The following BANK1 variants were observed in gnomAD, a reference collection of about 807,000 sequenced individuals.
BANK1 encodes the protein B cell scaffold protein with ankyrin repeats 1.
A neutral mutation model predicts 94.5 loss-of-function variants in BANK1; 95 were observed. The observed-to-expected ratio is 1.00, with a 90% confidence interval of 0.85 to 1.19. The LOEUF (loss-of-function observed/expected upper bound fraction) is 1.19, where lower values mean the gene tolerates loss of function less well. Among genes scored for constraint, BANK1 ranks in the 50% most tolerant of loss-of-function variants. BANK1 has a pLI of 0.00. For synonymous variants in BANK1, 334 were observed against 308.4 expected, an observed-to-expected ratio of 1.08 and a Z score of -0.87; for missense variants, 987 against 932.2, an observed-to-expected ratio of 1.06 and a Z score of -0.77.
intron 1 of BANK1, among the ~76,000 whole-genome samples, chr4:101,801,372 A>G (rs1725350714): frequency 6.6e-6 from 1 of 152,192 alleles, no homozygotes; most frequent in African/African-American, 2.4e-5. Context: ...TTAAAATGAC[A>G]TATGTGCCGT....
intron 10 of BANK1, among the ~76,000 whole-genome samples, chr4:102,033,462 T>G (rs1488488237): frequency 6.6e-6 from 1 of 152,098 alleles, no homozygotes; most frequent in Non-Finnish European, 1.5e-5. Flanking sequence ...TGTACTAAGT[T>G]TATTTATTAG....
intron 7 of BANK1, among the ~76,000 whole-genome samples, chr4:101,918,986 A>G (rs1722916978): frequency 6.6e-6 from 1 of 151,912 alleles, no homozygotes; most frequent in African/African-American, 2.4e-5. Context: ...TGTCCTTCAA[A>G]TCAGAAATAA....
intron 2 of BANK1, among the ~76,000 whole-genome samples, chr4:101,852,470 C>CCATA (rs1553927036): frequency 4.8e-5 from 5 of 103,792 alleles, no homozygotes; most frequent in African/African-American, 1.3e-4. Flanking sequence ...TATTTTTCGG[C>CCATA]TATATATATA....
chr4:101,892,772 A>T, intron 5 of BANK1, among the ~76,000 whole-genome samples: 1 of 151,984 alleles, frequency 6.6e-6, no homozygotes, highest in East Asian at 1.9e-4. Context: ...TGCACAATTT[A>T]TTATAAGAAG....
At chr4:101,815,586 A>G (rs13136796) in intron 1 of BANK1, among the ~76,000 whole-genome samples, 1 of 151,940 alleles carries the variant, frequency 6.6e-6, no homozygotes, top group Non-Finnish European at 1.5e-5. Flanking sequence ...GATGTACTGA[A>G]ATTATTATTG....
intron 7 of BANK1, among the ~76,000 whole-genome samples, chr4:101,992,146 A>G (rs924219659): frequency 6.6e-6 from 1 of 152,188 alleles, no homozygotes; most frequent in Non-Finnish European, 1.5e-5. Flanking sequence ...CTCAGTTTTT[A>G]TTATCACTCT....
At chr4:101,935,536 G>T (rs1019766409) in intron 7 of BANK1, among the ~76,000 whole-genome samples, 1 of 151,488 alleles carries the variant, frequency 6.6e-6, no homozygotes, top group African/African-American at 2.4e-5. Context: ...TCTTGAAAGT[G>T]GGGGAGTTAA....
At chr4:102,001,059 T>C (rs1726050893) in intron 7 of BANK1, among the ~76,000 whole-genome samples, 1 of 152,050 alleles carries the variant, frequency 6.6e-6, no homozygotes, top group African/African-American at 2.4e-5. Flanking sequence ...ATCCAATTGG[T>C]GGACTGCAAA....
intron 5 of BANK1, among the ~76,000 whole-genome samples, chr4:101,874,484 CCTT>C (rs762722198): frequency 1.3e-5 from 2 of 152,198 alleles, no homozygotes; most frequent in East Asian, 1.9e-4. Context: ...TTAATGGAAA[CCTT>C]CTTTTCTCTT....
At chr4:102,028,371 G>A (rs1455694844) in intron 9 of BANK1, among the ~76,000 whole-genome samples, 1 of 152,174 alleles carries the variant, frequency 6.6e-6, no homozygotes, top group African/African-American at 2.4e-5. Context: ...TTAGTGCTAG[G>A]CACATCGGTA....
chr4:101,912,054 T>TAC (rs900941259), intron 6 of BANK1, among the ~76,000 whole-genome samples: 4 of 151,414 alleles, frequency 2.6e-5, no homozygotes, highest in Non-Finnish European at 5.9e-5. Flanking sequence ...CACACACACA[T>TAC]ACACACACAC....
chr4:102,066,355 C>G (rs1728592142), intron 13 of BANK1, among the ~76,000 whole-genome samples: 1 of 151,054 alleles, frequency 6.6e-6, no homozygotes, highest in Admixed American at 6.6e-5. Flanking sequence ...CTCCTGGGAT[C>G]ACGCTATTCT....
chr4:101,955,834 A>G (rs1172517345), intron 7 of BANK1, among the ~76,000 whole-genome samples: 1 of 152,194 alleles, frequency 6.6e-6, no homozygotes, highest in African/African-American at 2.4e-5. Context: ...TCAATTAGCC[A>G]TAAATGTTTC....
chr4:101,877,314 G>C (rs1728527689), intron 5 of BANK1, among the ~76,000 whole-genome samples: 1 of 152,116 alleles, frequency 6.6e-6, no homozygotes, highest in African/African-American at 2.4e-5. Context: ...GGATGTCTGT[G>C]AGCAATAAGA....
chr4:102,000,960 T>G (rs1726047877), intron 7 of BANK1, among the ~76,000 whole-genome samples: 1 of 152,162 alleles, frequency 6.6e-6, no homozygotes. Context: ...TCTGTTGTTG[T>G]TCCAAAGTAT....
intron 7 of BANK1, among the ~76,000 whole-genome samples, chr4:101,990,076 A>AT (rs779499647): frequency 1.3e-5 from 2 of 152,174 alleles, no homozygotes; most frequent in Non-Finnish European, 2.9e-5. Context: ...TCCATTTTGT[A>AT]TTTTTCAGAC....
intron 2 of BANK1, among the ~76,000 whole-genome samples, chr4:101,852,470 C>CCATATATATATATATATA (rs1553927036): frequency 1.9e-5 from 2 of 103,794 alleles, no homozygotes; most frequent in African/African-American, 8.3e-5. Flanking sequence ...TATTTTTCGG[C>CCATATATATATATATATA]TATATATATA....
At chr4:102,025,907 A>G (rs1226766755) in intron 9 of BANK1, among the ~76,000 whole-genome samples, 2 of 152,238 alleles carry the variant, frequency 1.3e-5, no homozygotes, top group Admixed American at 1.3e-4. Context: ...GAAATACAAC[A>G]TTGCTTTTAA....
At chr4:101,854,718 T>A (rs903761747) in intron 2 of BANK1, among the ~76,000 whole-genome samples, 13 of 152,170 alleles carry the variant, frequency 8.5e-5, no homozygotes, top group African/African-American at 3.1e-4. Context: ...AATGGTTTTA[T>A]GTTTTACAGA....
Sources: gnomAD v4.1 joint callset for allele counts (sites outside exome capture counted in the v4.1 genomes callset) on GRCh38, gnomAD v4.1.1 for gene constraint, MANE v1.5 for transcripts, NCBI Gene and HGNC (gene_info 2026-07-23, HGNC 2026-07-21) for gene names.